Variants in PCMTD1 observed in about 807,000 individuals in gnomAD.
PCMTD1 encodes the protein protein-L-isoaspartate O-methyltransferase domain-containing protein 1.
A neutral mutation model predicts 37.6 loss-of-function variants in PCMTD1; 12 were observed. The ratio of observed to expected loss-of-function variants is 0.32; its 90% CI spans 0.20 to 0.52. PCMTD1 has a LOEUF of 0.52. Among genes scored for constraint, PCMTD1 ranks in the 20% least tolerant of loss-of-function variants. PCMTD1 has a pLI of 0.97. For synonymous variants in PCMTD1, 117 were observed against 135.8 expected, an observed-to-expected ratio of 0.86 and a Z score of 0.96; for missense variants, 235 against 421.3, an observed-to-expected ratio of 0.56 and a Z score of 3.87.
chr8:51,861,916 G>A (rs2038476411), intron 1 of PCMTD1, among the ~76,000 whole-genome samples: 1 of 151,908 alleles, frequency 6.6e-6, no homozygotes, highest in Non-Finnish European at 1.5e-5. Context: ...GTTTCACCAT[G>A]TTGCCCAAAC....
chr8:51,895,380 C>T (rs538827090), intron 1 of PCMTD1, among the ~76,000 whole-genome samples: 1 of 152,250 alleles, frequency 6.6e-6, no homozygotes, highest in South Asian at 2.1e-4. Flanking sequence ...TTTTTAAGAG[C>T]CTGCAAGTTA....
intron 5 of PCMTD1, chr8:51,827,507 C>T (rs2129274320): frequency 3.5e-6 from 1 of 287,422 alleles, no homozygotes; most frequent in Admixed American, 4.5e-5. Flanking sequence ...ACCATACATA[C>T]CACCCACCTG....
At chr8:51,897,790 T>G (rs1010418638) in intron 1 of PCMTD1, among the ~76,000 whole-genome samples, 2 of 152,190 alleles carry the variant, frequency 1.3e-5, no homozygotes, top group Non-Finnish European at 2.9e-5. Flanking sequence ...GTAGATTGGA[T>G]TCTCTAATAC....
intron 1 of PCMTD1, among the ~76,000 whole-genome samples, chr8:51,874,065 A>G (rs964620577): frequency 1.3e-5 from 2 of 151,896 alleles, no homozygotes; most frequent in Non-Finnish European, 2.9e-5. Context: ...ACGCCTGGCT[A>G]ATTTTTTGTA....
intron 1 of PCMTD1, among the ~76,000 whole-genome samples, chr8:51,882,470 C>CTGA (rs71252916): frequency 0.96 from 146,504 of 152,112 alleles, 70,648 homozygotes; most frequent in East Asian, 1. Flanking sequence ...CTCAAACACC[C>CTGA]GCCTATGTAT....
chr8:51,892,201 A>T (rs1478927372), intron 1 of PCMTD1, among the ~76,000 whole-genome samples: 1 of 152,238 alleles, frequency 6.6e-6, no homozygotes, highest in Non-Finnish European at 1.5e-5. Flanking sequence ...TAGATGACAC[A>T]AAGGGATCTA....
At position 51,823,299 on chromosome 8, in the gene PCMTD1, AC is replaced by A. The variant is rs577957135; in HGVS notation, c.707-2582del. On this transcript the variant is annotated intron_variant, in intron 5 of 5. Coordinates refer to ENST00000522514, the MANE Select transcript of PCMTD1 (RefSeq NM_052937.4). Reference sequence around the variant, plus strand: ...GGCAACATGGTGAAATCCTGTCTCTACAAAAAAGAGAAAAATTAGCCGGGCA... The same window carrying A: ...GGCAACATGGTGAAATCCTGTCTCTAAAAAAAGAGAAAAATTAGCCGGGCA... Among the ~76,000 whole-genome samples the A allele has an allele frequency of 9.5e-4, 145 of 152,276 alleles. 1 individual carries two copies. The East Asian group carries it at 0.013, about 14-fold the overall frequency.
chr8:51,867,476 G>GGTGTGT (rs59206546), intron 1 of PCMTD1, among the ~76,000 whole-genome samples: 365 of 141,580 alleles, frequency 2.6e-3, no homozygotes, highest in South Asian at 0.017. Context: ...TAAAGAAAAT[G>GGTGTGT]GTGTGTGTGT....
chr8:51,854,524 CTAAAA>C (rs1366688244), intron 2 of PCMTD1, among the ~76,000 whole-genome samples: 3 of 152,094 alleles, frequency 2.0e-5, no homozygotes, highest in Non-Finnish European at 2.9e-5. Context: ...TGTGATTAGC[CTAAAA>C]TAAAAGGTTG....
chr8:51,886,912 T>G (rs1211451020), intron 1 of PCMTD1, among the ~76,000 whole-genome samples: 1 of 152,078 alleles, frequency 6.6e-6, no homozygotes. Flanking sequence ...TTTCTGAAGG[T>G]TCTTTAGGAG....
intron 1 of PCMTD1, among the ~76,000 whole-genome samples, chr8:51,872,709 A>G (rs564848454): frequency 6.6e-6 from 1 of 152,340 alleles, no homozygotes; most frequent in African/African-American, 2.4e-5. Flanking sequence ...AGAATATTCC[A>G]AAGCAAAAAT....
intron 3 of PCMTD1, among the ~76,000 whole-genome samples, chr8:51,840,956 A>G (rs1425095417): frequency 6.6e-6 from 1 of 152,160 alleles, no homozygotes; most frequent in East Asian, 1.9e-4. Context: ...AAAAAAGTAA[A>G]TTATGAAAAT....
intron 5 of PCMTD1, among the ~76,000 whole-genome samples, chr8:51,830,780 T>C (rs2037986793): frequency 1.3e-5 from 2 of 152,240 alleles, no homozygotes; most frequent in Admixed American, 6.5e-5. Context: ...TGGCAAGTTC[T>C]TTTATATCAC....
chr8:51,885,763 C>G (rs1376345958), intron 1 of PCMTD1, among the ~76,000 whole-genome samples: 3 of 152,208 alleles, frequency 2.0e-5, no homozygotes, highest in Non-Finnish European at 4.4e-5. Flanking sequence ...ATGCAATACA[C>G]TCAACACCAC....
In PCMTD1 at chr8:51,819,485, T is replaced by C. The variant is rs34424720; in HGVS notation, c.*866A>G. On this transcript the variant is annotated 3_prime_UTR_variant, in exon 6 of 6. Transcript: ENST00000522514. ...GCTCATTCACTCGTTCTGTGTCCTA[T>C]CAAGAGTCACACATAACAATGGTTT... 9,401 of 152,412 alleles carry C rather than the reference T, an allele frequency of 0.062. 381 individuals carry two copies. Among genetic ancestry groups the C allele is most frequent in the Non-Finnish European group, 0.087 (5,942 of 68,012 alleles). The allele number at this position is 152,412 out of a possible 1,614,324, so 9.4% of individuals were successfully genotyped here.
At chr8:51,893,246 A>T (rs2038959385) in intron 1 of PCMTD1, among the ~76,000 whole-genome samples, 1 of 151,548 alleles carries the variant, frequency 6.6e-6, no homozygotes, top group African/African-American at 2.4e-5. Context: ...AGCAAGAATT[A>T]ATTACTTATT....
intron 3 of PCMTD1, among the ~76,000 whole-genome samples, chr8:51,840,902 A>G (rs936750898): frequency 2.0e-5 from 3 of 152,204 alleles, no homozygotes; most frequent in African/African-American, 7.2e-5. Flanking sequence ...TATAAATGCT[A>G]TAGTGAATTA....
At chr8:51,855,615 G>A (rs2038375216) in intron 2 of PCMTD1, among the ~76,000 whole-genome samples, 1 of 151,804 alleles carries the variant, frequency 6.6e-6, no homozygotes, top group Non-Finnish European at 1.5e-5. Flanking sequence ...TCTGTTTGAT[G>A]CATAAAACAG....
intron 1 of PCMTD1, among the ~76,000 whole-genome samples, chr8:51,888,752 A>G (rs1182742398): frequency 6.6e-6 from 1 of 152,246 alleles, no homozygotes; most frequent in African/African-American, 2.4e-5. Flanking sequence ...TAAGTTGCAA[A>G]GATTAAAAAC....
Sources: gnomAD v4.1 joint callset for allele counts (sites outside exome capture counted in the v4.1 genomes callset) on GRCh38, gnomAD v4.1.1 for gene constraint, MANE v1.5 for transcripts, NCBI Gene and HGNC (gene_info 2026-07-23, HGNC 2026-07-21) for gene names.